Variants in TEX10 observed in about 807,000 individuals in gnomAD.
The protein encoded by TEX10 is testis-expressed protein 10.
Under a neutral mutation model 104.4 loss-of-function variants are expected in TEX10, and 24 were observed. The observed-to-expected ratio is 0.23, with a 90% CI of 0.17 to 0.32. The LOEUF (loss-of-function observed/expected upper bound fraction) is 0.32, where lower values mean the gene tolerates loss of function less well. Ranked by LOEUF, TEX10 falls within the 10% of genes least tolerant of loss-of-function variation. TEX10 has a pLI of 1.00. For missense variants in TEX10, 921 were observed against 1,083.9 expected (o/e 0.85, Z 2.11); for synonymous variants, 396 against 393.4 (o/e 1.01, Z -0.08).
At chr9:100,329,381 C>A (rs1834795318) in intron 6 of TEX10, 106 bp from the exon 7 acceptor site, 6 of 1,314,386 alleles carry the variant, frequency 4.6e-6, no homozygotes, top group Non-Finnish European at 6.2e-6. Flanking sequence ...TATGGCAAAG[C>A]CAATTTTAGC....
chr9:100,331,022 G>A (rs918105812), intron 5 of TEX10, among the ~76,000 whole-genome samples: 3 of 151,804 alleles, frequency 2.0e-5, no homozygotes, highest in East Asian at 1.9e-4. Flanking sequence ...TTGAGAAGCC[G>A]AGGCAGGTGG....
At chr9:100,314,753 A>G (rs1481623693) in intron 11 of TEX10, among the ~76,000 whole-genome samples, 4 of 151,964 alleles carry the variant, frequency 2.6e-5, no homozygotes, top group African/African-American at 7.3e-5. Context: ...GTCTTCTGCT[A>G]ATTTTGGGCT....
At chr9:100,306,754 C>T (rs1834154390) in intron 13 of TEX10, 1 of 152,160 alleles carries the variant, frequency 6.6e-6, no homozygotes, top group African/African-American at 2.4e-5. Context: ...CTTTCCAGTA[C>T]CCAGTATAGA....
At chr9:100,305,356 A>G (rs1240386351) in intron 13 of TEX10, 1 of 152,248 alleles carries the variant, frequency 6.6e-6, no homozygotes, top group Non-Finnish European at 1.5e-5. Flanking sequence ...TTCTAGGCCA[A>G]ATAGATACTC....
intron 9 of TEX10, among the ~76,000 whole-genome samples, chr9:100,325,150 A>G (rs1834673118): frequency 6.6e-6 from 1 of 152,216 alleles, no homozygotes; most frequent in Admixed American, 6.5e-5. Context: ...GTATGAAGAA[A>G]GTCTATTAAA....
chr9:100,323,471 T>C (rs4237194), intron 9 of TEX10, among the ~76,000 whole-genome samples: 90,481 of 151,956 alleles, frequency 0.6, 28,218 homozygotes, highest in East Asian at 0.89. Flanking sequence ...GCTTTCTGTT[T>C]CCCCAATCTG....
chr9:100,311,169 G>A (rs1290379047), intron 11 of TEX10, among the ~76,000 whole-genome samples: 1 of 152,132 alleles, frequency 6.6e-6, no homozygotes, highest in African/African-American at 2.4e-5. Flanking sequence ...GGCCAAGGTG[G>A]GAGGACTGCT....
intron 9 of TEX10, among the ~76,000 whole-genome samples, chr9:100,326,039 C>G (rs7025938): frequency 0.45 from 69,020 of 151,892 alleles, 17,372 homozygotes; most frequent in East Asian, 0.89. Context: ...CCATCACCTA[C>G]CAATAAATCC....
At chr9:100,322,306 G>T (rs527671211) in intron 9 of TEX10, among the ~76,000 whole-genome samples, 2 of 152,196 alleles carry the variant, frequency 1.3e-5, no homozygotes, top group African/African-American at 4.8e-5. Context: ...TGCAGCTAAG[G>T]TATTGGCAGA....
intron 9 of TEX10, 49 bp downstream of exon 9, chr9:100,326,253 A>AG (rs1290655758): frequency 6.4e-7 from 1 of 1,566,416 alleles, no homozygotes; most frequent in East Asian, 2.3e-5. Flanking sequence ...TACCAGTAAA[A>AG]GGGGAAAAAG....
intron 13 of TEX10, 133 bp from the exon 14 acceptor site, chr9:100,303,975 C>G (rs952115339): frequency 3.7e-6 from 3 of 808,670 alleles, no homozygotes; most frequent in African/African-American, 3.4e-5. Flanking sequence ...AGAGCCAAAT[C>G]AAGAACGCAA....
At chr9:100,344,004 T>G (rs750344424) in intron 4 of TEX10, among the ~76,000 whole-genome samples, 7 of 152,266 alleles carry the variant, frequency 4.6e-5, no homozygotes, top group Non-Finnish European at 8.8e-5. Context: ...TCTATCATTT[T>G]GTATAGATTG....
chr9:100,321,868 C>A, intron 9 of TEX10, 97 bp from the exon 10 acceptor site: 1 of 849,930 alleles, frequency 1.2e-6, no homozygotes, highest in Non-Finnish European at 1.8e-6. Flanking sequence ...TTACTGAAAA[C>A]AAGTTTGATT....
intron 11 of TEX10, among the ~76,000 whole-genome samples, chr9:100,312,887 T>C (rs1834314237): frequency 1.3e-5 from 2 of 152,206 alleles, no homozygotes; most frequent in Non-Finnish European, 2.9e-5. Flanking sequence ...GTCATTGGCA[T>C]GACCCTAGCA....
At chr9:100,302,928 G>GCCCC (rs34327969) in intron 14 of TEX10, among the ~76,000 whole-genome samples, 7 of 134,268 alleles carry the variant, frequency 5.2e-5, no homozygotes, top group East Asian at 2.5e-4. Flanking sequence ...TTTTTTAACC[G>GCCCC]CCCCCCCCCC....
chr9:100,330,432 T>C (rs1323093672), intron 5 of TEX10, among the ~76,000 whole-genome samples: 1 of 152,198 alleles, frequency 6.6e-6, no homozygotes. Context: ...AAAATGTAAA[T>C]GCCCTTATAA....
At chr9:100,320,513 GTT>G in intron 10 of TEX10, 115 bp from the exon 11 acceptor site, 1 of 1,182,288 alleles carries the variant, frequency 8.5e-7, no homozygotes, top group South Asian at 2.0e-5. Context: ...AAGCTACCTT[GTT>G]TTCTCTGAGC....
chr9:100,342,432 CA>C (rs1835196070), intron 4 of TEX10, among the ~76,000 whole-genome samples: 1 of 152,178 alleles, frequency 6.6e-6, no homozygotes, highest in Admixed American at 6.5e-5. Context: ...TAGTACTATT[CA>C]AAAGACCTTT....
chr9:100,333,636 TAAAAA>T (rs60509628), intron 5 of TEX10, among the ~76,000 whole-genome samples: 5 of 109,762 alleles, frequency 4.6e-5, no homozygotes, highest in East Asian at 2.6e-4. Context: ...GACCCCATCA[TAAAAA>T]AAAAAAAAAA....
Sources: gnomAD v4.1 joint callset for allele counts (sites outside exome capture counted in the v4.1 genomes callset) on GRCh38, gnomAD v4.1.1 for gene constraint, MANE v1.5 for transcripts, NCBI Gene and HGNC (gene_info 2026-07-23, HGNC 2026-07-21) for gene names.